CTNNA2: variants seen among roughly 807,000 people sequenced by gnomAD.
CTNNA2 encodes catenin alpha-2.
CTNNA2 carries 42 observed loss-of-function variants against 101.0 expected under a neutral mutation model. The ratio of observed to expected loss-of-function variants is 0.42; its 90% CI spans 0.32 to 0.54. The LOEUF (loss-of-function observed/expected upper bound fraction) is 0.54, where lower values mean the gene tolerates loss of function less well. Among genes scored for constraint, CTNNA2 ranks in the 20% least tolerant of loss-of-function variants. CTNNA2 has a pLI of 0.14. For missense variants in CTNNA2, 871 were observed against 1,223.1 expected (o/e 0.71, Z 4.29); for synonymous variants, 450 against 456.4 (o/e 0.99, Z 0.18).
intron 2 of CTNNA2, among the ~76,000 whole-genome samples, chr2:79,716,788 A>AATTCCTT (rs1573772161): frequency 6.6e-6 from 1 of 152,158 alleles, no homozygotes; most frequent in Non-Finnish European, 1.5e-5. Flanking sequence ...AAGAAAATCA[A>AATTCCTT]ATTTTAACAG....
In CTNNA2 at chr2:79,869,703, A is replaced by G. The variant is rs185967802; in HGVS notation, c.466-113A>G. ...ACTCTTCTCCTATTTTTTCATTTAC[A>G]TGTTAACACATACTAGTGTTTTAGA... is the stretch of plus-strand genomic sequence containing the variant. On this transcript the variant is annotated intron_variant, in intron 4 of 18. Transcript: ENST00000402739. The G allele has an allele frequency of 3.2e-3, 4,300 of 1,329,586 alleles. 101 individuals carry two copies. The Admixed American group carries it at 0.036, about 11-fold the overall frequency. The allele number at this position is 1,329,586 out of a possible 1,614,324, so 82.4% of individuals were successfully genotyped here. A position where few individuals can be genotyped will look rare whatever the true frequency, so the allele number is the denominator to read the frequency against.
At chr2:79,531,195 CATATATATATATAT>C (rs34087238) in intron 1 of CTNNA2, among the ~76,000 whole-genome samples, 12,679 of 110,198 alleles carry the variant, frequency 0.12, 727 homozygotes, top group Non-Finnish European at 0.12. Flanking sequence ...TAGATACGCT[CATATATATATATAT>C]ATATATATAT....
At chr2:79,486,425 T>C (rs1016232513) in intron 4 of CTNNA2, among the ~76,000 whole-genome samples, 1 of 152,182 alleles carries the variant, frequency 6.6e-6, no homozygotes, top group African/African-American at 2.4e-5. Flanking sequence ...TATAGATGCA[T>C]AGTATTCCAT....
intron 7 of CTNNA2, among the ~76,000 whole-genome samples, chr2:80,106,435 T>G (rs1700894732): frequency 6.6e-6 from 1 of 152,204 alleles, no homozygotes; most frequent in Non-Finnish European, 1.5e-5. Context: ...TTACACTATC[T>G]ATGTGTATCT....
intron 7 of CTNNA2, among the ~76,000 whole-genome samples, chr2:80,327,396 C>G (rs1013003963): frequency 1.3e-5 from 2 of 152,162 alleles, no homozygotes; most frequent in Non-Finnish European, 2.9e-5. Context: ...CTTGCTAACT[C>G]ATCCTGTTCC....
At position 79,279,487 on chromosome 2, in the gene CTNNA2, T is replaced by C. The variant is rs367564942; in HGVS notation, c.-405-33222T>C. ...GTCCATGCCCCCAACTTCCAGTTACTTGTAACTGACACAAAGGCACAGGAT... is the reference window on the plus strand; with the variant it reads ...GTCCATGCCCCCAACTTCCAGTTACCTGTAACTGACACAAAGGCACAGGAT... On this transcript the variant is annotated intron_variant, in intron 2 of 21. Transcript: ENST00000466387. Among the ~76,000 whole-genome samples the C allele has an allele frequency of 7.0e-4, 107 of 152,238 alleles. 1 individual carries two copies. Among genetic ancestry groups the C allele is most frequent in the African/African-American group, 2.4e-3 (101 of 41,552 alleles).
chr2:79,463,947 A>G (rs2104538228), intron 4 of CTNNA2, among the ~76,000 whole-genome samples: 1 of 151,970 alleles, frequency 6.6e-6, no homozygotes, highest in East Asian at 1.9e-4. Context: ...TTGGAAAAAT[A>G]ATGTTATCAT....
At chr2:80,399,565 C>T (rs1291706210) in intron 8 of CTNNA2, among the ~76,000 whole-genome samples, 3 of 152,130 alleles carry the variant, frequency 2.0e-5, no homozygotes, top group Non-Finnish European at 2.9e-5. Flanking sequence ...AACATGAAAA[C>T]TCTCAATGAA....
At chr2:79,846,194 A>C (rs1378038033) in intron 3 of CTNNA2, among the ~76,000 whole-genome samples, 1 of 152,146 alleles carries the variant, frequency 6.6e-6, no homozygotes, top group Non-Finnish European at 1.5e-5. Flanking sequence ...CTAGTTTTGA[A>C]ATATGTGGTA....
chr2:79,351,075 C>T (rs891571863), intron 3 of CTNNA2, among the ~76,000 whole-genome samples: 3 of 152,054 alleles, frequency 2.0e-5, no homozygotes, highest in Admixed American at 2.0e-4. Context: ...TTCTTTAATT[C>T]TGTAGGTTAC....
chr2:79,228,239 A>T lies in CTNNA2; in HGVS notation c.-406+30163A>T, dbSNP rs116675771. Among the ~76,000 whole-genome samples, 886 of 152,320 alleles carry T rather than the reference A, an allele frequency of 5.8e-3. 4 individuals are homozygous for T. Among genetic ancestry groups the T allele is most frequent in the Non-Finnish European group, 9.7e-3 (663 of 68,036 alleles). ...ATATGGGTGCATGGGACTTTATGAC[A>T]GGATGAATTATTTTCCTTTGGTATA... On this transcript the variant is annotated intron_variant, in intron 2 of 21. Coordinates refer to the CTNNA2 transcript ENST00000466387.
In CTNNA2 at chr2:80,368,798, AAAG is replaced by A. The variant is rs546981610; in HGVS notation, c.1057-24410_1057-24408del. On this transcript the variant is annotated intron_variant, in intron 7 of 18. Coordinates refer to ENST00000402739, the MANE Select transcript of CTNNA2 (RefSeq NM_001282597.3). The stretch of plus-strand genomic sequence containing the variant: ...GCAAAAAAAAAAAGAAAAGAAAAGA[AAAG>A]AAAATGAAAAACAGTATGTGTATAT... Among the ~76,000 whole-genome samples, 1,066 of 151,156 alleles carry A rather than the reference AAAG, an allele frequency of 7.1e-3. 17 individuals carry two copies. The highest frequency in any genetic ancestry group is 0.025 in the African/African-American group (1,019 of 41,204).
intron 2 of CTNNA2, among the ~76,000 whole-genome samples, chr2:79,709,035 T>C (rs17017665): frequency 0.069 from 10,492 of 152,286 alleles, 477 homozygotes; most frequent in African/African-American, 0.12. Context: ...CTATTTCAGT[T>C]AGGAGTCCAG....
intron 9 of CTNNA2, among the ~76,000 whole-genome samples, chr2:80,531,879 C>T (rs1000495296): frequency 2.0e-5 from 3 of 152,180 alleles, no homozygotes; most frequent in African/African-American, 7.2e-5. Flanking sequence ...GGTTAAATCT[C>T]ACCAAGTTTT....
chr2:80,432,077 A>G (rs969176026), intron 9 of CTNNA2, among the ~76,000 whole-genome samples: 1 of 152,188 alleles, frequency 6.6e-6, no homozygotes, highest in African/African-American at 2.4e-5. Context: ...TGAAATTAAT[A>G]TAAAAATTAC....
intron 2 of CTNNA2, among the ~76,000 whole-genome samples, chr2:79,203,304 A>G (rs1674061395): frequency 6.6e-6 from 1 of 152,238 alleles, no homozygotes; most frequent in Non-Finnish European, 1.5e-5. Context: ...TTAGAAAATA[A>G]TATTCAGAAA....
intron 2 of CTNNA2, among the ~76,000 whole-genome samples, chr2:79,215,632 T>A (rs879319991): frequency 1.3e-5 from 2 of 152,202 alleles, no homozygotes; most frequent in Non-Finnish European, 2.9e-5. Flanking sequence ...ACGAGTCATG[T>A]ACTGGGCTGG....
At position 80,596,476 on chromosome 2, in the gene CTNNA2, A is replaced by G. The variant is rs1473106396; in HGVS notation, c.2189+6991A>G. 5.3e-5 allele frequency among the ~76,000 whole-genome samples: 8 copies of G among 150,202 alleles called. No individual in the cohort carries two copies. In the East Asian group the frequency reaches 1.6e-3, roughly 30 times the overall value. On this transcript the variant is annotated intron_variant, in intron 15 of 18. Transcript: ENST00000402739. ...AGGTGCCCGCCACCATGCCCGGCTA[A>G]TTTTTTTGTGTGTTTTTAGTAGAGA...
rs116625540 is a variant in CTNNA2 at position 80,117,980 on chromosome 2, C to T, written c.1056+208183C>T. Among the ~76,000 whole-genome samples, 511 of 152,162 alleles carry T rather than the reference C, an allele frequency of 3.4e-3. 1 individual carries two copies. Among genetic ancestry groups the T allele is most frequent in the African/African-American group, 0.011 (454 of 41,500 alleles). On this transcript the variant is annotated intron_variant, in intron 7 of 18. Transcript: ENST00000402739. ...CTTATTTTAGAGACAGGGTGACATA[C>T]GGGAAGGTTGTTACATAGTCTGTAC...
Sources: gnomAD v4.1 joint callset for allele counts (sites outside exome capture counted in the v4.1 genomes callset) on GRCh38, gnomAD v4.1.1 for gene constraint, MANE v1.5 for transcripts, NCBI Gene and HGNC (gene_info 2026-07-23, HGNC 2026-07-21) for gene names.